SWT1: variants seen among roughly 807,000 people sequenced by gnomAD.
SWT1 encodes the protein transcriptional protein SWT1.
Under a neutral mutation model 107.3 loss-of-function variants are expected in SWT1, and 33 were observed. That is an observed-to-expected ratio of 0.31 (90% CI 0.23 to 0.41). SWT1 has a LOEUF of 0.41. Ranked by LOEUF, SWT1 falls within the 10% of genes least tolerant of loss-of-function variation. The pLI is 1.00. For missense variants in SWT1, 898 were observed against 1,028.9 expected (o/e 0.87, Z 1.74); for synonymous variants, 345 against 348.3 (o/e 0.99, Z 0.11).
intron 16 of SWT1, among the ~76,000 whole-genome samples, chr1:185,252,737 G>A (rs1313784965): frequency 1.3e-5 from 2 of 152,160 alleles, no homozygotes; most frequent in African/African-American, 4.8e-5. Context: ...TAGGTTGCCT[G>A]TTCACTCTGT....
chr1:185,184,369 T>C, intron 8 of SWT1, 25 bp downstream of exon 8: 1 of 1,310,358 alleles, frequency 7.6e-7, no homozygotes, highest in East Asian at 2.3e-5. Flanking sequence ...TATTTAAAGA[T>C]TCTGATTTTC....
rs577973666 is a variant in SWT1 at position 185,243,512 on chromosome 1, A to G, written c.2441+11804A>G. On this transcript the variant is annotated intron_variant, in intron 16 of 18. Transcript: ENST00000367500. ...GCTGCCAGTAGTGAGAAGTGATACA[A>G]TGTCCTCAAGGGTGTTTTCCAATAG... 1.4e-4 allele frequency among the ~76,000 whole-genome samples: 21 copies of G among 152,278 alleles called. No individual in the cohort carries two copies. In the South Asian group the frequency reaches 2.7e-3, roughly 20 times the overall value.
Position 185,267,158 on chromosome 1 carries a change from A to G in SWT1, c.2442-4165A>G, listed in dbSNP as rs565775279. Among the ~76,000 whole-genome samples the G allele has an allele frequency of 3.3e-5, 5 of 152,328 alleles. No homozygotes were observed. The South Asian group carries it at 6.2e-4, about 19-fold the overall frequency. On this transcript the variant is annotated intron_variant, in intron 16 of 18. Coordinates refer to ENST00000367500, the MANE Select transcript of SWT1 (RefSeq NM_017673.7). ...TAAAACATTGGACTTTGGTTTCTAC[A>G]TCTGAAAAGTGGTTATTATATAACA...
At chr1:185,267,246 C>T (rs775226656) in intron 16 of SWT1, among the ~76,000 whole-genome samples, 4 of 152,184 alleles carry the variant, frequency 2.6e-5, no homozygotes, top group African/African-American at 7.2e-5. Flanking sequence ...AGATGCATTA[C>T]TTAATTCGAA....
chr1:185,175,217 T>G, intron 5 of SWT1, 104 bp downstream of exon 5: 1 of 979,800 alleles, frequency 1.0e-6, no homozygotes, highest in Non-Finnish European at 1.4e-6. Context: ...TTTTTTTTTT[T>G]GTTGTTGTTT....
intron 5 of SWT1, among the ~76,000 whole-genome samples, chr1:185,177,951 G>C (rs1478476143): frequency 2.0e-5 from 3 of 152,080 alleles, no homozygotes; most frequent in Non-Finnish European, 4.4e-5. Context: ...CATTTTTCTA[G>C]GTACTAGGTA....
At position 185,224,412 on chromosome 1, in the gene SWT1, A is replaced by G. The variant is rs143954282; in HGVS notation, c.2309+2376A>G. Among the ~76,000 whole-genome samples the G allele has an allele frequency of 3.1e-3, 467 of 152,118 alleles. 2 individuals carry two copies. Among genetic ancestry groups the G allele is most frequent in the African/African-American group, 0.011 (444 of 41,498 alleles). On this transcript the variant is annotated intron_variant, in intron 15 of 18. Transcript: ENST00000367500. ...GTTGTTTGTGGTATATTTTGAAATC[A>G]GGTAGTGTGATGCCTCCAGCTTTGT...
intron 16 of SWT1, among the ~76,000 whole-genome samples, chr1:185,239,039 C>G (rs1232070639): frequency 6.6e-6 from 1 of 152,066 alleles, no homozygotes; most frequent in Admixed American, 6.6e-5. Context: ...GCTCTATTCC[C>G]TTTTATCTTA....
At chr1:185,256,293 C>T (rs1196589074) in intron 16 of SWT1, among the ~76,000 whole-genome samples, 1 of 150,370 alleles carries the variant, frequency 6.7e-6, no homozygotes, top group Non-Finnish European at 1.5e-5. Flanking sequence ...ATCTTTGTGG[C>T]ATTCTCTGTA....
At chr1:185,248,389 A>C (rs1357907633) in intron 16 of SWT1, among the ~76,000 whole-genome samples, 1 of 152,216 alleles carries the variant, frequency 6.6e-6, no homozygotes, top group East Asian at 1.9e-4. Context: ...TTTATGATCC[A>C]GGCCAACATA....
chr1:185,256,149 C>T lies in SWT1; in HGVS notation c.2442-15174C>T, dbSNP rs1457795909. On this transcript the variant is annotated intron_variant, in intron 16 of 18. Coordinates refer to ENST00000367500, the MANE Select transcript of SWT1 (RefSeq NM_017673.7). Reference sequence around the variant, plus strand: ...CTTGTAGGGTTTCTGCCGAGAGATCCGCTGTTAGTCTGATGGGCTTCCCTT... The same window carrying T: ...CTTGTAGGGTTTCTGCCGAGAGATCTGCTGTTAGTCTGATGGGCTTCCCTT... Among the ~76,000 whole-genome samples the T allele has an allele frequency of 2.2e-4, 33 of 151,150 alleles. No homozygotes were observed. In the East Asian group the frequency reaches 4.3e-3, roughly 20 times the overall value.
At chr1:185,287,596 C>T (rs1268477548) in intron 18 of SWT1, among the ~76,000 whole-genome samples, 1 of 152,018 alleles carries the variant, frequency 6.6e-6, no homozygotes, top group African/African-American at 2.4e-5. Context: ...AGTGAGTGTC[C>T]CATCACCAGG....
intron 7 of SWT1, 127 bp from the exon 8 acceptor site, chr1:185,184,116 T>TA (rs1305296543): frequency 1.8e-6 from 1 of 563,128 alleles, no homozygotes; most frequent in African/African-American, 2.0e-5. Context: ...AAATCTCTGA[T>TA]ACAGTTAACA....
chr1:185,225,872 G>T (rs906742038), intron 15 of SWT1, among the ~76,000 whole-genome samples: 3 of 152,156 alleles, frequency 2.0e-5, no homozygotes, highest in African/African-American at 7.2e-5. Context: ...TTAAAAGGAA[G>T]AAATACTTCT....
chr1:185,289,549 T>C (rs1444965371), intron 18 of SWT1, among the ~76,000 whole-genome samples: 3 of 152,158 alleles, frequency 2.0e-5, no homozygotes, highest in Admixed American at 6.5e-5. Context: ...CAAAAAGATA[T>C]CTGCACTCCA....
At chr1:185,172,569 G>T in intron 4 of SWT1, among the ~76,000 whole-genome samples, 1 of 151,796 alleles carries the variant, frequency 6.6e-6, no homozygotes, top group Non-Finnish European at 1.5e-5. Context: ...CCTTGGTATG[G>T]TTTCTAAAAT....
intron 16 of SWT1, among the ~76,000 whole-genome samples, chr1:185,245,052 AG>A (rs35222901): frequency 0.021 from 3,124 of 152,302 alleles, 50 homozygotes; most frequent in Non-Finnish European, 0.033. Context: ...ACTGCATTCC[AG>A]CTTGGGCAAC....
chr1:185,280,073 C>T (rs1422905892), intron 18 of SWT1, among the ~76,000 whole-genome samples: 1 of 151,986 alleles, frequency 6.6e-6, no homozygotes, highest in Admixed American at 6.6e-5. Flanking sequence ...CCCTATAATC[C>T]CTACGTTTGG....
chr1:185,268,978 G>A (rs1306702827), intron 16 of SWT1, among the ~76,000 whole-genome samples: 1 of 149,432 alleles, frequency 6.7e-6, no homozygotes, highest in East Asian at 2.0e-4. Context: ...TCAGCCTCCC[G>A]AGTAGCTGGG....
Sources: gnomAD v4.1 joint callset for allele counts (sites outside exome capture counted in the v4.1 genomes callset) on GRCh38, gnomAD v4.1.1 for gene constraint, MANE v1.5 for transcripts, NCBI Gene and HGNC (gene_info 2026-07-23, HGNC 2026-07-21) for gene names.